Variants in CDH4 observed in about 807,000 individuals in gnomAD.
The protein encoded by CDH4 is cadherin-4.
CDH4 carries 33 observed loss-of-function variants against 86.0 expected under a neutral mutation model. That is an observed-to-expected ratio of 0.38 (90% CI 0.29 to 0.51). CDH4 has a LOEUF of 0.51. CDH4 is among the 20% of genes least tolerant of loss of function. CDH4 has a pLI of 0.86. For missense variants in CDH4, 1,114 were observed against 1,307.4 expected (o/e 0.85, Z 2.28); for synonymous variants, 555 against 549.4 (o/e 1.01, Z -0.14).
At chr20:61,360,650 G>A (rs1260381021) in intron 2 of CDH4, among the ~76,000 whole-genome samples, 1 of 152,174 alleles carries the variant, frequency 6.6e-6, no homozygotes, top group Non-Finnish European at 1.5e-5. Context: ...GGCAATGGAG[G>A]GAAGTCAGAA....
chr20:61,828,228 A>C (rs1228339650), intron 4 of CDH4, among the ~76,000 whole-genome samples: 1 of 152,188 alleles, frequency 6.6e-6, no homozygotes, highest in Admixed American at 6.5e-5. Context: ...TGGCAACGAG[A>C]GAGACCAAGA....
intron 8 of CDH4, among the ~76,000 whole-genome samples, chr20:61,895,501 G>A (rs532006564): frequency 1.2e-3 from 184 of 152,336 alleles, no homozygotes; most frequent in Non-Finnish European, 2.1e-3. Context: ...CATACCGGCT[G>A]CCTGGGGCCT....
chr20:61,275,199 G>T (rs1466221179), intron 2 of CDH4, among the ~76,000 whole-genome samples: 1 of 140,214 alleles, frequency 7.1e-6, no homozygotes, highest in Non-Finnish European at 1.5e-5. Context: ...GCAGTTTGGG[G>T]GAGTACTGTA....
intron 2 of CDH4, among the ~76,000 whole-genome samples, chr20:61,576,104 C>T (rs144586517): frequency 3.0e-4 from 46 of 152,250 alleles, no homozygotes; most frequent in Admixed American, 6.5e-4. Context: ...TTCGGAGGCA[C>T]GCAGTGTGGG....
Position 61,393,549 on chromosome 20 carries a change from T to A in CDH4, c.169+138612T>A, listed in dbSNP as rs578192789. The stretch of plus-strand genomic sequence containing the variant: ...GTGGGGTCTTTATGGAGCAGGATCC[T>A]CACGTAGCCCACATTCGCCACAGCC... On this transcript the variant is annotated intron_variant, in intron 2 of 15. Transcript: ENST00000614565. The surrounding 1 kb of genome is among the most constrained non-coding windows in gnomAD (Gnocchi z 4.3). Among the ~76,000 whole-genome samples the A allele has an allele frequency of 6.6e-6, 1 of 152,166 alleles. No individual in the cohort carries two copies. The highest frequency in any genetic ancestry group is 2.4e-5 in the African/African-American group (1 of 41,432).
chr20:61,886,758 C>T (rs1984560186), intron 7 of CDH4, among the ~76,000 whole-genome samples: 1 of 152,200 alleles, frequency 6.6e-6, no homozygotes, highest in South Asian at 2.1e-4. Context: ...AGTCCCAGGC[C>T]TTCATCTTCT....
At chr20:61,660,778 T>A (rs965209028) in intron 2 of CDH4, among the ~76,000 whole-genome samples, 1 of 152,098 alleles carries the variant, frequency 6.6e-6, no homozygotes, top group Non-Finnish European at 1.5e-5. Flanking sequence ...GTTGTTACAT[T>A]GAAGAAGTAG....
chr20:61,519,836 C>T (rs759843794), intron 2 of CDH4, among the ~76,000 whole-genome samples: 3 of 152,228 alleles, frequency 2.0e-5, no homozygotes, highest in Non-Finnish European at 4.4e-5. Flanking sequence ...GGCTCTTAAC[C>T]TCCACTTCCT....
chr20:61,726,632 C>A (rs560122885), intron 2 of CDH4, among the ~76,000 whole-genome samples: 32 of 151,060 alleles, frequency 2.1e-4, no homozygotes, highest in Non-Finnish European at 3.5e-4. Flanking sequence ...ATCATCATCA[C>A]CATCAGTCCC....
chr20:61,840,817 AGCTGAT>A (rs1982128875), intron 4 of CDH4, among the ~76,000 whole-genome samples: 1 of 152,222 alleles, frequency 6.6e-6, no homozygotes, highest in Admixed American at 6.5e-5. Flanking sequence ...GCATTTTGAG[AGCTGAT>A]GCTCAGAGCC....
In CDH4 at chr20:61,358,775, C is replaced by G. The variant is rs371606675; in HGVS notation, c.169+103838C>G. ...CCGGCCAGGGTCTCAGACAGTAATTCCCACCCAGGGAACAGTCGCTTTAAT... is the reference window on the plus strand; with the variant it reads ...CCGGCCAGGGTCTCAGACAGTAATTGCCACCCAGGGAACAGTCGCTTTAAT... On this transcript the variant is annotated intron_variant, in intron 2 of 15. Coordinates refer to ENST00000614565, the MANE Select transcript of CDH4 (RefSeq NM_001794.5). Among the ~76,000 whole-genome samples, 12 of 152,278 alleles carry G rather than the reference C, an allele frequency of 7.9e-5. 1 individual carries two copies. Among genetic ancestry groups the G allele is most frequent in the African/African-American group, 2.9e-4 (12 of 41,572 alleles).
intron 3 of CDH4, among the ~76,000 whole-genome samples, chr20:61,772,008 G>A (rs75672233): frequency 2.0e-5 from 3 of 152,166 alleles, no homozygotes; most frequent in East Asian, 1.9e-4. Flanking sequence ...CTGAGTGACC[G>A]CGGGGACCCA....
At chr20:61,367,239 C>T (rs2084815672) in intron 2 of CDH4, among the ~76,000 whole-genome samples, 1 of 145,466 alleles carries the variant, frequency 6.9e-6, no homozygotes, top group South Asian at 2.2e-4. Context: ...CATTTCCTAA[C>T]ACACCTGAGA....
At chr20:61,722,687 T>C (rs2088056774) in intron 2 of CDH4, among the ~76,000 whole-genome samples, 1 of 132,750 alleles carries the variant, frequency 7.5e-6, no homozygotes, top group Non-Finnish European at 1.5e-5. Context: ...AGCATCACGC[T>C]CTGCTCTTTC....
At chr20:61,775,547 G>A (rs1034563155) in intron 4 of CDH4, among the ~76,000 whole-genome samples, 2 of 152,200 alleles carry the variant, frequency 1.3e-5, no homozygotes, top group Non-Finnish European at 2.9e-5. Context: ...CAGGTTGGCC[G>A]TGTTCCACTA....
intron 3 of CDH4, among the ~76,000 whole-genome samples, chr20:61,769,080 C>T (rs1048003976): frequency 6.6e-6 from 1 of 152,190 alleles, no homozygotes; most frequent in Non-Finnish European, 1.5e-5. Context: ...CTGCTAGTGG[C>T]TGTGCCAGAG....
chr20:61,737,213 G>A (rs1277804431), intron 2 of CDH4, among the ~76,000 whole-genome samples: 1 of 152,142 alleles, frequency 6.6e-6, no homozygotes, highest in Non-Finnish European at 1.5e-5. Flanking sequence ...GATGAAAGAT[G>A]GAGCAGCTTC....
rs1226493999 is a variant in CDH4 at position 61,377,908 on chromosome 20, G to C, written c.169+122971G>C. Among the ~76,000 whole-genome samples the C allele has an allele frequency of 6.6e-6, 1 of 152,228 alleles. No individual in the cohort carries two copies. Among genetic ancestry groups the C allele is most frequent in the Non-Finnish European group, 1.5e-5 (1 of 68,044 alleles). Reference sequence around the variant, plus strand: ...GCTCACACATCCCTTCATGTGCCGTGATGTTGACTCACGTGATCTGGATAA... The same window carrying C: ...GCTCACACATCCCTTCATGTGCCGTCATGTTGACTCACGTGATCTGGATAA... On this transcript the variant is annotated intron_variant, in intron 2 of 15. Transcript: ENST00000614565. This position sits in a 1 kb window ranked among gnomAD's most constrained non-coding sequence, Gnocchi z 4.0.
intron 2 of CDH4, among the ~76,000 whole-genome samples, chr20:61,303,151 G>A (rs1412181787): frequency 2.0e-5 from 3 of 152,220 alleles, no homozygotes; most frequent in Admixed American, 6.5e-5. Flanking sequence ...GATACACCCT[G>A]AGACCCAAAG....
Sources: allele counts gnomAD v4.1 joint callset (sites outside exome capture counted in the v4.1 genomes callset), GRCh38; gene constraint gnomAD v4.1.1; non-coding constraint Gnocchi (gnomAD v3.1); transcripts MANE v1.5; gene names NCBI Gene and HGNC (gene_info 2026-07-23, HGNC 2026-07-21).